The following NBPF8 variants were observed in gnomAD, a reference collection of about 807,000 sequenced individuals.
The protein encoded by NBPF8 is NBPF member 8.
At chr1:120,422,706 T>G (rs1358248662) in intron 1 of NBPF8, among the ~76,000 whole-genome samples, 1 of 142,306 alleles carries the variant, frequency 7.0e-6, no homozygotes, top group Non-Finnish European at 1.5e-5. Flanking sequence ...ATGTGCAGGA[T>G]TTTGAATGAA....
intron 19 of NBPF8, 27 bp downstream of exon 17, chr1:120,461,453 A>G (rs1661587883): frequency 1.9e-6 from 1 of 522,264 alleles, no homozygotes; most frequent in Non-Finnish European, 3.3e-6. Flanking sequence ...GAAGGTGATA[A>G]GGATCCACTG....
At chr1:120,421,499 C>T (rs1279721169) in intron 1 of NBPF8, among the ~76,000 whole-genome samples, 2 of 150,584 alleles carry the variant, frequency 1.3e-5, no homozygotes, top group African/African-American at 4.9e-5. Flanking sequence ...TGCCTTCCTC[C>T]CTCCCTCCCT....
intron 1 of NBPF8, among the ~76,000 whole-genome samples, chr1:120,423,030 T>C (rs1314924801): frequency 8.3e-5 from 10 of 120,286 alleles, no homozygotes; most frequent in African/African-American, 4.0e-4. Context: ...ACAGCAGTTT[T>C]TCCATCAGAT....
At chr1:120,417,607 C>CTTTT (rs1236479966), upstream of NBPF8, among the ~76,000 whole-genome samples, 1 of 52,634 alleles carries the variant, frequency 1.9e-5, no homozygotes, top group Non-Finnish European at 3.8e-5. Flanking sequence ...TTTTGCATTT[C>CTTTT]TTTTTTTTTT....
At chr1:120,423,914 T>C (rs1214116156) in intron 1 of NBPF8, among the ~76,000 whole-genome samples, 1 of 151,810 alleles carries the variant, frequency 6.6e-6, no homozygotes, top group Non-Finnish European at 1.5e-5. Flanking sequence ...ACTGCCTAGC[T>C]CTTTCCATGT....
At chr1:120,468,936 G>GTGT (rs1312946568), downstream of NBPF8, among the ~76,000 whole-genome samples, 1 of 152,078 alleles carries the variant, frequency 6.6e-6, no homozygotes, top group Non-Finnish European at 1.5e-5. Flanking sequence ...CCTAGCCCTG[G>GTGT]TGTTTAGGGG....
rs1449778452 is a variant in NBPF8, at chr1:120,453,670, C to T, written n.2362+226C>T. On this transcript the variant is annotated intron_variant and non_coding_transcript_variant, in intron 14 of 24. Transcript: ENST00000583271. ...CAGGGATAGCTGAGTCTTCATCCTC[C>T]TCAGCTCCTATCTGTCCAGTGCAAT... Among the ~76,000 whole-genome samples, 23 of 151,392 alleles carry T rather than the reference C, an allele frequency of 1.5e-4. 1 individual carries two copies. The South Asian group carries it at 3.8e-3, about 25-fold the overall frequency.
At chr1:120,435,858 T>A (rs1661059093), upstream of NBPF8, among the ~76,000 whole-genome samples, 2 of 150,848 alleles carry the variant, frequency 1.3e-5, no homozygotes, top group South Asian at 2.1e-4. Context: ...AGAGTGAGAC[T>A]CTGTCTCAAA....
intron 16 of NBPF8, among the ~76,000 whole-genome samples, chr1:120,457,793 GA>G (rs1162583698): frequency 1.7e-4 from 6 of 35,870 alleles, no homozygotes; most frequent in East Asian, 7.3e-4. Flanking sequence ...TATACATATG[GA>G]AAAAAAAAAG....
chr1:120,421,144 C>G (rs2101453955), intron 1 of NBPF8, among the ~76,000 whole-genome samples: 2 of 151,932 alleles, frequency 1.3e-5, no homozygotes, highest in Non-Finnish European at 2.9e-5. Context: ...TATCCAAAGA[C>G]AAGACTCAGT....
Position 120,460,469 on chromosome 1 carries a change from A to G in NBPF8, n.2785-104A>G, listed in dbSNP as rs1661549493. Reference sequence around the variant, plus strand: ...TTCTCTCAAAGTCTCCTGTTCTCACATTGACAAGACTGATGTCCCTGTGTT... The same window carrying G: ...TTCTCTCAAAGTCTCCTGTTCTCACGTTGACAAGACTGATGTCCCTGTGTT... On this transcript the variant is annotated intron_variant and non_coding_transcript_variant, in intron 17 of 24. Transcript: ENST00000583271. 12 of 819,902 alleles carry G rather than the reference A, an allele frequency of 1.5e-5. 1 individual carries two copies. The highest frequency in any genetic ancestry group is 2.8e-4 in the Middle Eastern group (1 of 3,562). The allele number at this position is 819,902 out of a possible 1,614,324, so 50.8% of individuals were successfully genotyped here. A position where few individuals can be genotyped will look rare whatever the true frequency, so the allele number is the denominator to read the frequency against.
At chr1:120,431,629 A>G (rs1479265915), upstream of NBPF8, among the ~76,000 whole-genome samples, 2 of 150,842 alleles carry the variant, frequency 1.3e-5, no homozygotes, top group Admixed American at 1.3e-4. Context: ...GGCTGAAAAT[A>G]GCACCTGTTG....
At chr1:120,436,421 T>C (rs1661079644) in exon 1 of NBPF8, 14 of 1,215,454 alleles carry the variant, frequency 1.2e-5, no homozygotes, top group Non-Finnish European at 1.5e-5. Context: ...CATCCCTCAG[T>C]CCTGATTAAA....
intron 22 of NBPF8, among the ~76,000 whole-genome samples, 155 bp from the exon 21 acceptor site, chr1:120,464,220 TC>T (rs1661676623): frequency 7.3e-6 from 1 of 136,902 alleles, no homozygotes. Context: ...TTGGCCCTGT[TC>T]TGTCCCAACA....
At chr1:120,453,275 C>A in intron 13 of NBPF8, 97 bp from the exon 12 acceptor site, 1 of 571,238 alleles carries the variant, frequency 1.8e-6, no homozygotes, top group Non-Finnish European at 3.1e-6. Context: ...AACGGTGACC[C>A]ATGCCTAGAT....
intron 18 of NBPF8, 136 bp downstream of exon 16, chr1:120,460,760 T>A: frequency 1.1e-6 from 1 of 947,100 alleles, no homozygotes; most frequent in Non-Finnish European, 1.7e-6. Context: ...ACATTGCTTT[T>A]TGGTTCTCAT....
chr1:120,436,544 T>C lies in NBPF8; in HGVS notation n.192T>C, dbSNP rs1248109627. On this transcript the variant is annotated non_coding_transcript_exon_variant, in exon 1 of 25. Transcript: ENST00000583271. ...CAGCATGGTGGTATCAGCCGGCCCT[T>C]GGTCCAGCGAGAAGGCAGAGATGAA... 2.6e-6 allele frequency: 4 copies of C among 1,530,380 alleles called. No homozygotes were observed. In the African/African-American group the frequency reaches 4.1e-5, roughly 16 times the overall value. 94.8% of individuals were successfully genotyped at this position (1,530,380 alleles called of 1,614,324 possible). A position where few individuals can be genotyped will look rare whatever the true frequency, so the allele number is the denominator to read the frequency against.
chr1:120,460,662 G>T (rs1661558571), intron 18 of NBPF8, 38 bp downstream of exon 16: 1 of 906,094 alleles, frequency 1.1e-6, no homozygotes, highest in Non-Finnish European at 1.8e-6. Flanking sequence ...ATTTGATGTT[G>T]ACACCTGGAG....
At chr1:120,421,466 TCCTCCCTTCCTCCCTCTCTC>T (rs1660575049) in intron 1 of NBPF8, among the ~76,000 whole-genome samples, 5 of 149,704 alleles carry the variant, frequency 3.3e-5, no homozygotes, top group Admixed American at 3.3e-4. Context: ...CTTCCTTTCT[TCCTCCCTTCCTCCCTCTCTC>T]CCTGCCTTCC....
Sources: gnomAD v4.1 joint callset for allele counts (sites outside exome capture counted in the v4.1 genomes callset) on GRCh38, gnomAD v4.1.1 for gene constraint, MANE v1.5 for transcripts, NCBI Gene and HGNC (gene_info 2026-07-23, HGNC 2026-07-21) for gene names.